The following WDR72 variants were observed in gnomAD, a reference collection of about 807,000 sequenced individuals.
WDR72 encodes the protein WD repeat domain 72.
WDR72 carries 120 observed loss-of-function variants against 124.2 expected under a neutral mutation model. The ratio of observed to expected loss-of-function variants is 0.97; its 90% CI spans 0.83 to 1.12. The LOEUF (loss-of-function observed/expected upper bound fraction) is 1.12, where lower values mean the gene tolerates loss of function less well. WDR72 is among the 50% of genes most tolerant of loss of function. WDR72 has a pLI of 0.00. For missense variants in WDR72, 1,387 were observed against 1,278.8 expected, an observed-to-expected ratio of 1.08 and a Z score of -1.29; for synonymous variants, 452 against 441.7, an observed-to-expected ratio of 1.02 and a Z score of -0.29.
chr15:53,668,113 G>A (rs2015842422), intron 13 of WDR72, among the ~76,000 whole-genome samples: 1 of 152,120 alleles, frequency 6.6e-6, no homozygotes, highest in African/African-American at 2.4e-5. Flanking sequence ...CTGATAAGCT[G>A]CAATATTTAA....
At chr15:53,596,963 A>G (rs2140339280) in intron 18 of WDR72, 116 bp downstream of exon 18, 3 of 977,010 alleles carry the variant, frequency 3.1e-6, no homozygotes, top group Non-Finnish European at 4.8e-6. Context: ...GTGAATGTCT[A>G]TCACTTGTGC....
At chr15:53,538,550 A>G (rs901538512) in intron 18 of WDR72, among the ~76,000 whole-genome samples, 10 of 152,210 alleles carry the variant, frequency 6.6e-5, no homozygotes, top group Non-Finnish European at 1.5e-4. Context: ...AGAAAGCACC[A>G]TAAAACCTCA....
chr15:53,754,182 C>T (rs539576906), intron 1 of WDR72, among the ~76,000 whole-genome samples: 1 of 152,166 alleles, frequency 6.6e-6, no homozygotes, highest in African/African-American at 2.4e-5. Flanking sequence ...ATCTGTAAAA[C>T]CTATTCATTA....
intron 13 of WDR72, among the ~76,000 whole-genome samples, chr15:53,691,665 AGATAGATAG>A (rs1265313219): frequency 9.6e-6 from 1 of 104,558 alleles, no homozygotes; most frequent in Non-Finnish European, 2.0e-5. Flanking sequence ...ATAGATAGAT[AGATAGATAG>A]ATGTTTAACA....
At chr15:53,587,985 T>G (rs2012305593) in intron 18 of WDR72, among the ~76,000 whole-genome samples, 1 of 151,996 alleles carries the variant, frequency 6.6e-6, no homozygotes, top group African/African-American at 2.4e-5. Flanking sequence ...CAGCATTAAT[T>G]TTTCCTGGTG....
intron 14 of WDR72, among the ~76,000 whole-genome samples, chr15:53,629,124 G>A (rs1030636440): frequency 7.3e-5 from 11 of 151,652 alleles, no homozygotes; most frequent in African/African-American, 2.7e-4. Flanking sequence ...CTAGACTAAA[G>A]GCCTTGACAA....
chr15:53,553,775 G>T (rs1270700611), intron 18 of WDR72, among the ~76,000 whole-genome samples: 1 of 152,096 alleles, frequency 6.6e-6, no homozygotes, highest in African/African-American at 2.4e-5. Flanking sequence ...AAGGTATTAA[G>T]CTATATGGAT....
intron 13 of WDR72, among the ~76,000 whole-genome samples, chr15:53,679,944 C>CAA (rs3081356): frequency 0.023 from 3,316 of 143,168 alleles, 71 homozygotes; most frequent in African/African-American, 0.053. Flanking sequence ...ATATCTGCAG[C>CAA]AAAAAAAAAA....
chr15:53,665,446 T>C, intron 14 of WDR72, 126 bp downstream of exon 14: 1 of 1,013,904 alleles, frequency 9.9e-7, no homozygotes, highest in Non-Finnish European at 1.5e-6. Flanking sequence ...GATTACTTGG[T>C]AGATGCAGCA....
At chr15:53,609,620 C>CTTA in intron 16 of WDR72, 28 bp from the exon 17 acceptor site, 1 of 1,574,266 alleles carries the variant, frequency 6.4e-7, no homozygotes, top group East Asian at 2.2e-5. Context: ...ACACTTGTAT[C>CTTA]TTTAGAGTAT....
At chr15:53,712,297 G>A (rs1337601900) in intron 7 of WDR72, among the ~76,000 whole-genome samples, 2 of 152,100 alleles carry the variant, frequency 1.3e-5, no homozygotes, top group East Asian at 3.9e-4. Flanking sequence ...TAATTAGAGA[G>A]TTAAAAACTG....
At chr15:53,679,477 G>A (rs2016302427) in intron 13 of WDR72, among the ~76,000 whole-genome samples, 1 of 152,182 alleles carries the variant, frequency 6.6e-6, no homozygotes, top group South Asian at 2.1e-4. Context: ...AAGTAGGGCA[G>A]TCTGAGAAAG....
intron 14 of WDR72, among the ~76,000 whole-genome samples, chr15:53,646,781 C>G (rs563376348): frequency 6.6e-6 from 1 of 151,394 alleles, no homozygotes; most frequent in Admixed American, 6.6e-5. Context: ...TGATAGAAAA[C>G]GTCAAATAAA....
chr15:53,601,069 G>C (rs1386333248), intron 17 of WDR72, among the ~76,000 whole-genome samples: 10 of 151,822 alleles, frequency 6.6e-5, no homozygotes, highest in Non-Finnish European at 1.5e-4. Context: ...CATTTAACTA[G>C]GGTTAAAATG....
intron 14 of WDR72, among the ~76,000 whole-genome samples, chr15:53,627,834 C>T (rs1231066609): frequency 2.0e-5 from 3 of 152,026 alleles, no homozygotes; most frequent in Non-Finnish European, 1.5e-5. Flanking sequence ...CTATGTTTTT[C>T]TCAATATAAA....
At chr15:53,706,351 T>TGTATATATATATATATATATACATAC (rs1555426201) in intron 9 of WDR72, among the ~76,000 whole-genome samples, 16 of 11,334 alleles carry the variant, frequency 1.4e-3, no homozygotes, top group African/African-American at 3.9e-3. Context: ...TGTGTGTGTG[T>TGTATATATATATATATATATACATAC]ATATATATAT....
intron 17 of WDR72, among the ~76,000 whole-genome samples, chr15:53,602,955 A>T (rs1351243785): frequency 1.3e-5 from 2 of 152,164 alleles, no homozygotes; most frequent in African/African-American, 2.4e-5. Context: ...CAAAAAATAG[A>T]AAAGGAAAGG....
At chr15:53,711,076 G>T in intron 8 of WDR72, 123 bp from the exon 9 acceptor site, 1 of 955,186 alleles carries the variant, frequency 1.0e-6, no homozygotes, top group Non-Finnish European at 1.6e-6. Flanking sequence ...GTTAGAAATT[G>T]TTGGGTTAAT....
chr15:53,669,014 AGAAAAGAAGAAG>A (rs755935449), intron 13 of WDR72, among the ~76,000 whole-genome samples: 29,148 of 123,208 alleles, frequency 0.24, 4,808 homozygotes, highest in Middle Eastern at 0.4. Flanking sequence ...AAGGAGAAGG[AGAAAAGAAGAAG>A]GGAGGAAGGG....
Sources: allele counts gnomAD v4.1 joint callset (sites outside exome capture counted in the v4.1 genomes callset), GRCh38; gene constraint gnomAD v4.1.1; transcripts MANE v1.5; gene names NCBI Gene and HGNC (gene_info 2026-07-23, HGNC 2026-07-21).